HABP2: variants seen among roughly 807,000 people sequenced by gnomAD.
HABP2 encodes the protein factor VII-activating protease.
In HABP2, 65 loss-of-function variants were observed where a neutral mutation model predicts 66.5. That is an observed-to-expected ratio of 0.98 (90% confidence interval 0.80 to 1.20). The LOEUF is 1.20. Ranked by LOEUF, HABP2 falls within the 50% of genes most tolerant of loss-of-function variation. The pLI is 0.00. For missense variants in HABP2, 786 were observed against 691.0 expected (o/e 1.14, Z -1.54); for synonymous variants, 263 against 253.9 (o/e 1.04, Z -0.34).
chr10:113,567,422 C>G, intron 1 of HABP2, 67 bp from the exon 2 acceptor site: 1 of 1,219,622 alleles, frequency 8.2e-7, no homozygotes, highest in Non-Finnish European at 1.2e-6. Context: ...CTCTGGCTGA[C>G]AGCTAAGGAG....
Position 113,579,651 on chromosome 10 carries a change from C to T in HABP2, c.740+853C>T, listed in dbSNP as rs554778570. Among the ~76,000 whole-genome samples the T allele has an allele frequency of 9.2e-5, 14 of 152,324 alleles. No homozygotes were observed. In the South Asian group the frequency reaches 2.5e-3, roughly 27 times the overall value. On this transcript the variant is annotated intron_variant, in intron 7 of 12. Transcript: ENST00000351270. Reference sequence around the variant, plus strand: ...TGCTGCCTCCAGGCCACTCTGTTGGCTTCCTGCCACTACCCTTTGTCTGGC... The same window carrying T: ...TGCTGCCTCCAGGCCACTCTGTTGGTTTCCTGCCACTACCCTTTGTCTGGC...
At chr10:113,561,921 G>A (rs1383858479) in intron 1 of HABP2, among the ~76,000 whole-genome samples, 1 of 152,198 alleles carries the variant, frequency 6.6e-6, no homozygotes, top group Non-Finnish European at 1.5e-5. Flanking sequence ...CTGTAAATCA[G>A]TAAGACTCAG....
chr10:113,578,166 C>G (rs1157438067), intron 6 of HABP2, 21 bp downstream of exon 6: 1 of 1,613,424 alleles, frequency 6.2e-7, no homozygotes, highest in Admixed American at 1.7e-5. Context: ...CTGCCACCAT[C>G]AGGGCCACAA....
intron 2 of HABP2, among the ~76,000 whole-genome samples, chr10:113,568,633 G>T (rs1323164768): frequency 6.6e-6 from 1 of 152,176 alleles, no homozygotes; most frequent in Non-Finnish European, 1.5e-5. Flanking sequence ...GCGTATTTCA[G>T]AGAGTTATCC....
At chr10:113,562,351 C>T (rs1845114013) in intron 1 of HABP2, among the ~76,000 whole-genome samples, 1 of 151,864 alleles carries the variant, frequency 6.6e-6, no homozygotes, top group African/African-American at 2.4e-5. Context: ...CTGGCCAAGG[C>T]TCAATCTGAC....
intron 7 of HABP2, among the ~76,000 whole-genome samples, chr10:113,579,944 G>A (rs923515713): frequency 9.9e-5 from 15 of 151,910 alleles, no homozygotes; most frequent in Non-Finnish European, 7.4e-5. Flanking sequence ...CACCACACCC[G>A]GCTAATTTTT....
chr10:113,588,474 G>C lies in HABP2; in HGVS notation c.*105G>C. ...TCCAGAGCCTCCAGGGGACCACACA[G>C]TAGACTATCCCTACTCTAAGCAGAG... is the stretch of plus-strand genomic sequence containing the variant. On this transcript the variant is annotated 3_prime_UTR_variant, in exon 13 of 13. Coordinates refer to ENST00000351270, the MANE Select transcript of HABP2 (RefSeq NM_004132.5). 1.3e-6 allele frequency: 1 copy of C among 790,586 alleles called. No homozygotes were observed. Among genetic ancestry groups the C allele is most frequent in the Non-Finnish European group, 2.0e-6 (1 of 502,650 alleles). The allele number at this position is 790,586 out of a possible 1,614,324, so 49.0% of individuals were successfully genotyped here.
intron 2 of HABP2, among the ~76,000 whole-genome samples, chr10:113,567,760 C>G (rs1420268996): frequency 6.6e-6 from 1 of 152,202 alleles, no homozygotes; most frequent in Non-Finnish European, 1.5e-5. Flanking sequence ...AAGGGAAATA[C>G]TGCCTACGTA....
At chr10:113,566,962 G>T (rs1033861709) in intron 1 of HABP2, among the ~76,000 whole-genome samples, 1 of 152,122 alleles carries the variant, frequency 6.6e-6, no homozygotes, top group Admixed American at 6.5e-5. Flanking sequence ...CCACTGAAGG[G>T]TTTTAAGCAT....
At chr10:113,570,828 A>G (rs996759514) in intron 2 of HABP2, among the ~76,000 whole-genome samples, 3 of 152,228 alleles carry the variant, frequency 2.0e-5, no homozygotes, top group African/African-American at 7.2e-5. Context: ...TACATTAACT[A>G]CAGGTAGGGC....
rs765775244 is a variant in HABP2 at position 113,578,111 on chromosome 10, T to G, written c.534T>G (p.Cys178Trp). ...HKRRSKFTCA[C>W]PDQFKGKFCE... is the part of the protein sequence containing the mutation. ...GGAGATCCAAGTTCACCTGTGCCTG[T>G]CCCGACCAGTTCAAGGGGAAATTCT... The change falls in exon 6 of 13, where the codon TGT becomes TGG. Residue 178 changes from cysteine to tryptophan, a missense_variant. Physicochemically the swap from Cys to Trp is radical, Grantham distance 215 (BLOSUM62 -2). Transcript: ENST00000351270. 2.5e-6 allele frequency: 4 copies of G among 1,614,150 alleles called. No individual in the cohort carries two copies. The highest frequency in any genetic ancestry group is 1.1e-5 in the South Asian group (1 of 91,078).
chr10:113,579,352 A>G (rs1334240380), intron 7 of HABP2, among the ~76,000 whole-genome samples: 1 of 152,142 alleles, frequency 6.6e-6, no homozygotes, highest in East Asian at 1.9e-4. Context: ...CCACAGGCTT[A>G]CTCAAATATT....
At chr10:113,574,187 G>C in intron 2 of HABP2, 102 bp from the exon 3 acceptor site, 1 of 690,744 alleles carries the variant, frequency 1.4e-6, no homozygotes, top group East Asian at 2.6e-5. Context: ...TCCTCCTGCA[G>C]GACTTTGAAT....
chr10:113,562,781 G>A (rs1845124124), intron 1 of HABP2, among the ~76,000 whole-genome samples: 1 of 152,202 alleles, frequency 6.6e-6, no homozygotes, highest in Non-Finnish European at 1.5e-5. Flanking sequence ...TCCAAGAACA[G>A]TGCCCCTGAT....
intron 1 of HABP2, among the ~76,000 whole-genome samples, chr10:113,563,163 C>G (rs3862016): frequency 2.6e-5 from 4 of 151,996 alleles, no homozygotes; most frequent in Non-Finnish European, 5.9e-5. Flanking sequence ...AGTTTTCTCC[C>G]TAGTTATCTC....
chr10:113,584,581 G>C (rs1845599695), intron 11 of HABP2, among the ~76,000 whole-genome samples: 2 of 152,210 alleles, frequency 1.3e-5, no homozygotes, highest in Admixed American at 1.3e-4. Flanking sequence ...AGATTGGAAA[G>C]AGGAAAGATC....
chr10:113,583,484 G>T (rs1456338443), intron 10 of HABP2, 126 bp downstream of exon 10: 2 of 763,768 alleles, frequency 2.6e-6, no homozygotes, highest in Admixed American at 2.6e-5. Context: ...ACCCTGTGCG[G>T]TAGGGAATGT....
intron 2 of HABP2, among the ~76,000 whole-genome samples, chr10:113,569,323 A>G (rs1845259202): frequency 6.6e-6 from 1 of 152,134 alleles, no homozygotes; most frequent in African/African-American, 2.4e-5. Context: ...GCCTCCAGGG[A>G]GTGGGCTGAG....
At position 113,578,036 on chromosome 10, in the gene HABP2, A is replaced by T. The variant is rs1473040748; in HGVS notation, c.459A>T (p.Val153=). 6.2e-7 allele frequency: 1 copy of T among 1,614,138 alleles called. No individual in the cohort carries two copies. The highest frequency in any genetic ancestry group is 1.7e-5 in the Admixed American group (1 of 60,030). The change falls in exon 6 of 13, where the codon GTA becomes GTT. Residue 153 remains valine (V), a synonymous_variant. Coordinates refer to ENST00000351270, the MANE Select transcript of HABP2 (RefSeq NM_004132.5). ...TGPSCSQVVP[V]CRPNPCQNGA... ...TTCCTGTGTTCACAGTGGTTCCTGT[A>T]TGCAGGCCAAACCCCTGCCAGAATG...
Sources: gnomAD v4.1 joint callset for allele counts (sites outside exome capture counted in the v4.1 genomes callset) on GRCh38, gnomAD v4.1.1 for gene constraint, MANE v1.5 for transcripts, NCBI Gene and HGNC (gene_info 2026-07-23, HGNC 2026-07-21) for gene names.